TYW1: variants seen among roughly 807,000 people sequenced by gnomAD.
TYW1 encodes the protein S-adenosyl-L-methionine-dependent tRNA 4-demethylwyosine synthase TYW1.
A neutral mutation model predicts 96.2 loss-of-function variants in TYW1; 46 were observed. The observed-to-expected ratio is 0.48, with a 90% CI of 0.38 to 0.61. The LOEUF (loss-of-function observed/expected upper bound fraction) is 0.61. Among genes scored for constraint, TYW1 ranks in the 20% least tolerant of loss-of-function variants. The probability of loss-of-function intolerance (pLI) is 0.00; values close to 1 mark genes in which losing one functional copy is unlikely to be tolerated. For missense variants in TYW1, 684 were observed against 909.6 expected (o/e 0.75, Z 3.19); for synonymous variants, 274 against 323.0 (o/e 0.85, Z 1.63).
At chr7:67,145,147 TTTC>T (rs1293414197) in intron 13 of TYW1, among the ~76,000 whole-genome samples, 9 of 136,158 alleles carry the variant, frequency 6.6e-5, no homozygotes, top group Admixed American at 7.2e-5. Flanking sequence ...CCTGTTTTAG[TTTC>T]TTTTTTTTTT....
intron 13 of TYW1, among the ~76,000 whole-genome samples, chr7:67,132,220 C>T (rs10233183): frequency 0.22 from 32,040 of 144,126 alleles, 3,880 homozygotes; most frequent in African/African-American, 0.29. Flanking sequence ...AAGCAGTCCT[C>T]CCACTTCAGC....
At chr7:67,163,850 G>A (rs1384406568) in intron 13 of TYW1, among the ~76,000 whole-genome samples, 1 of 151,946 alleles carries the variant, frequency 6.6e-6, no homozygotes, top group Non-Finnish European at 1.5e-5. Flanking sequence ...TGTATTTTTA[G>A]TAGAGATGGG....
chr7:67,114,158 G>T (rs1330906144), intron 12 of TYW1, among the ~76,000 whole-genome samples: 1 of 152,090 alleles, frequency 6.6e-6, no homozygotes, highest in South Asian at 2.1e-4. Flanking sequence ...TCTTCCTCCT[G>T]AGCTATTTGG....
At chr7:67,180,194 C>T (rs1218136232) in intron 13 of TYW1, among the ~76,000 whole-genome samples, 1 of 131,066 alleles carries the variant, frequency 7.6e-6, no homozygotes, top group East Asian at 2.0e-4. Context: ...TTGCTGATTG[C>T]TGGCATATAA....
At chr7:67,207,289 C>T (rs6955443) in intron 15 of TYW1, among the ~76,000 whole-genome samples, 58,726 of 151,958 alleles carry the variant, frequency 0.39, 12,212 homozygotes, top group African/African-American at 0.54. Flanking sequence ...TTCCTTCATC[C>T]GCTTTCCTTT....
chr7:67,230,857 C>T (rs959280594), intron 15 of TYW1, among the ~76,000 whole-genome samples: 13 of 151,824 alleles, frequency 8.6e-5, no homozygotes, highest in African/African-American at 3.1e-4. Context: ...CCAGGCTGGT[C>T]TTGAACTCCT....
chr7:67,066,002 T>TAC (rs778159395), intron 9 of TYW1, among the ~76,000 whole-genome samples: 2,672 of 93,150 alleles, frequency 0.029, 33 homozygotes, highest in South Asian at 0.055. Context: ...AGAGTGAGAC[T>TAC]ACACACACAC....
chr7:67,194,464 A>G (rs1800323549), intron 14 of TYW1, among the ~76,000 whole-genome samples: 1 of 152,000 alleles, frequency 6.6e-6, no homozygotes, highest in African/African-American at 2.4e-5. Flanking sequence ...ATCTCTACTA[A>G]AAATACAAAA....
chr7:67,014,191 C>T (rs760533559), intron 4 of TYW1, among the ~76,000 whole-genome samples, 176 bp from the exon 5 acceptor site: 27 of 152,306 alleles, frequency 1.8e-4, no homozygotes, highest in Non-Finnish European at 3.4e-4. Flanking sequence ...TTTTCTCCCC[C>T]GTGCAAGCTG....
At position 67,003,154 on chromosome 7, in the gene TYW1, G is replaced by A. The variant is rs919715822; in HGVS notation, c.273+4200G>A. 3.3e-5 allele frequency among the ~76,000 whole-genome samples: 5 copies of A among 152,280 alleles called. No homozygotes were observed. In the East Asian group the frequency reaches 9.6e-4, roughly 29 times the overall value. On this transcript the variant is annotated intron_variant, in intron 3 of 15. Coordinates refer to ENST00000359626, the MANE Select transcript of TYW1 (RefSeq NM_018264.4). ...ACCTATCTTAGAGCATCATATGAATGTCTAGTAAGCATCTTAACATCAGTG... is the reference window on the plus strand; with the variant it reads ...ACCTATCTTAGAGCATCATATGAATATCTAGTAAGCATCTTAACATCAGTG...
chr7:67,008,787 C>T (rs748462877), intron 3 of TYW1, among the ~76,000 whole-genome samples: 3 of 152,120 alleles, frequency 2.0e-5, no homozygotes, highest in Admixed American at 6.6e-5. Flanking sequence ...CTCAGCCTCC[C>T]GGGTAGCTGG....
At chr7:67,052,290 A>T (rs1795382644) in intron 8 of TYW1, among the ~76,000 whole-genome samples, 1 of 152,096 alleles carries the variant, frequency 6.6e-6, no homozygotes, top group African/African-American at 2.4e-5. Context: ...TATATATGTA[A>T]TAATCTGCTT....
At chr7:67,192,350 A>T (rs112593277) in intron 14 of TYW1, among the ~76,000 whole-genome samples, 1 of 152,184 alleles carries the variant, frequency 6.6e-6, no homozygotes, top group East Asian at 1.9e-4. Context: ...TCAGTGCTTC[A>T]TGGCTATTTT....
At chr7:67,184,648 TTTATGTTATG>T (rs199573674) in intron 14 of TYW1, among the ~76,000 whole-genome samples, 4,518 of 43,012 alleles carry the variant, frequency 0.11, 744 homozygotes, top group African/African-American at 0.15. Context: ...TTTTATTTTA[TTTATGTTATG>T]TTATGTTATG....
At chr7:67,010,246 C>T (rs4717341) in intron 4 of TYW1, among the ~76,000 whole-genome samples, 18,397 of 152,086 alleles carry the variant, frequency 0.12, 1,286 homozygotes, top group Admixed American at 0.15. Flanking sequence ...ATCTGCCCGC[C>T]TTGGCCTCCC....
At chr7:67,048,446 C>T (rs2129260868) in intron 7 of TYW1, among the ~76,000 whole-genome samples, 2 of 150,774 alleles carry the variant, frequency 1.3e-5, no homozygotes, top group South Asian at 4.2e-4. Context: ...TGAGTATCTC[C>T]CCTAAAGTGT....
intron 7 of TYW1, among the ~76,000 whole-genome samples, chr7:67,027,042 T>TA (rs1179921958): frequency 1.3e-5 from 2 of 151,578 alleles, no homozygotes; most frequent in East Asian, 3.9e-4. Context: ...CTACAAGAAA[T>TA]AAAAAAAATT....
intron 3 of TYW1, among the ~76,000 whole-genome samples, chr7:67,008,749 G>A (rs1302544882): frequency 3.3e-5 from 5 of 152,060 alleles, no homozygotes; most frequent in Admixed American, 6.6e-5. Flanking sequence ...TGCAACCTCC[G>A]CCTCCTGGAT....
chr7:67,099,151 G>A (rs1797013017), intron 12 of TYW1, among the ~76,000 whole-genome samples: 1 of 151,720 alleles, frequency 6.6e-6, no homozygotes, highest in African/African-American at 2.4e-5. Flanking sequence ...TCAGCCTCCT[G>A]AGTAGCTGGG....
Sources: allele counts gnomAD v4.1 joint callset (sites outside exome capture counted in the v4.1 genomes callset), GRCh38; gene constraint gnomAD v4.1.1; transcripts MANE v1.5; gene names NCBI Gene and HGNC (gene_info 2026-07-23, HGNC 2026-07-21).